The following TNFRSF10D variants were observed in gnomAD, a reference collection of about 807,000 sequenced individuals.
TNFRSF10D encodes TNF receptor superfamily member 10d.
TNFRSF10D carries 28 observed loss-of-function variants against 42.1 expected under a neutral mutation model. That is an observed-to-expected ratio of 0.66 (90% confidence interval 0.49 to 0.91). The LOEUF (loss-of-function observed/expected upper bound fraction) is 0.91, where lower values mean the gene tolerates loss of function less well. TNFRSF10D is among the 40% of genes least tolerant of loss of function. The probability of loss-of-function intolerance (pLI) is 0.00; values close to 1 mark genes in which losing one functional copy is unlikely to be tolerated. For synonymous variants in TNFRSF10D, 186 were observed against 189.4 expected (o/e 0.98, Z 0.15); for missense variants, 503 against 486.1 (o/e 1.03, Z -0.33).
rs140452877 is a variant in TNFRSF10D at position 23,148,992 on chromosome 8, C to T, written c.257-441G>A. On this transcript the variant is annotated intron_variant, in intron 2 of 8. Transcript: ENST00000312584. ...AATCACGAGGTCAGGAGATCGAGAC[C>T]ATCCTGGCTAACACAGTGAAACCCC... 4.4e-3 allele frequency among the ~76,000 whole-genome samples: 662 copies of T among 151,492 alleles called. 4 individuals carry two copies. Among genetic ancestry groups the T allele is most frequent in the African/African-American group, 0.013 (546 of 41,342 alleles).
intron 2 of TNFRSF10D, among the ~76,000 whole-genome samples, chr8:23,151,923 G>A (rs1242719393): frequency 6.6e-6 from 1 of 152,144 alleles, no homozygotes; most frequent in East Asian, 1.9e-4. Context: ...TTGCCCTGGG[G>A]GGGATCCAGG....
At chr8:23,144,838 A>T (rs1276659646) in intron 6 of TNFRSF10D, among the ~76,000 whole-genome samples, 1 of 151,832 alleles carries the variant, frequency 6.6e-6, no homozygotes, top group East Asian at 1.9e-4. Context: ...TGATGGTGTC[A>T]CCGAGGCTGC....
At chr8:23,152,575 C>T (rs144396526) in intron 2 of TNFRSF10D, among the ~76,000 whole-genome samples, 943 of 152,186 alleles carry the variant, frequency 6.2e-3, no homozygotes, top group African/African-American at 0.019. Context: ...ATTAATTGGG[C>T]AAAAGATGCT....
intron 1 of TNFRSF10D, among the ~76,000 whole-genome samples, chr8:23,156,069 G>A (rs1800276274): frequency 6.6e-6 from 1 of 152,122 alleles, no homozygotes; most frequent in African/African-American, 2.4e-5. Flanking sequence ...AAGACAACTG[G>A]AGAATCGGAA....
chr8:23,144,141 T>C (rs1018062799), intron 7 of TNFRSF10D, among the ~76,000 whole-genome samples: 1 of 152,232 alleles, frequency 6.6e-6, no homozygotes, highest in Non-Finnish European at 1.5e-5. Flanking sequence ...TGACTTCTGT[T>C]AGGAGCACAC....
chr8:23,160,829 T>G lies in TNFRSF10D; in HGVS notation c.150+2957A>C, dbSNP rs1800356798. Among the ~76,000 whole-genome samples the G allele has an allele frequency of 6.6e-5, 10 of 152,214 alleles. 1 individual carries two copies. In the South Asian group the frequency reaches 2.1e-3, roughly 32 times the overall value. On this transcript the variant is annotated intron_variant, in intron 1 of 8. Transcript: ENST00000312584. ...TGGATGGAGACCTTTCCTGCTCATCTTCAAACTCCAACCCGGGCCGGACAC... is the reference window on the plus strand; with the variant it reads ...TGGATGGAGACCTTTCCTGCTCATCGTCAAACTCCAACCCGGGCCGGACAC...
In TNFRSF10D at chr8:23,163,817, A is replaced by G. The variant is rs769336025; in HGVS notation, c.119T>C (p.Phe40Ser). 3 of 1,609,256 alleles carry G rather than the reference A, an allele frequency of 1.9e-6. No individual in the cohort carries two copies. Among genetic ancestry groups the G allele is most frequent in the Admixed American group, 3.4e-5 (2 of 59,448 alleles). Reference protein sequence around the residue: ...PWLLDPKILKFVVFIVAVLLP... With the variant: ...PWLLDPKILKSVVFIVAVLLP... ...CAGAACCGCGACGATGAAGACGACG[A>G]ACTTAAGGATCTTGGGGTCCAGGAG... is the stretch of plus-strand genomic sequence containing the variant. Residue 40 changes from phenylalanine (F) to serine (S), a missense_variant, in exon 1 of 9, where the codon TTC becomes TCC. Coordinates refer to ENST00000312584, the MANE Select transcript of TNFRSF10D (RefSeq NM_003840.5).
chr8:23,137,942 C>T lies in TNFRSF10D; in HGVS notation c.1089G>A (p.Gln363=), dbSNP rs200310088. ...GCTTTTCGGAGCCCACCAGTTGGTC[C>T]TGAATTGTTTCCTTTGCATGTCCTT... ...LEEGHAKETI[Q]DQLVGSEKLF... Residue 363 remains glutamine (Q), a synonymous_variant, in exon 9 of 9, where the codon CAG becomes CAA. Coordinates refer to ENST00000312584, the MANE Select transcript of TNFRSF10D (RefSeq NM_003840.5). The T allele has an allele frequency of 4.3e-6, 7 of 1,614,112 alleles. No homozygotes were observed. In the African/African-American group the frequency reaches 6.7e-5, roughly 15 times the overall value.
intron 2 of TNFRSF10D, among the ~76,000 whole-genome samples, chr8:23,149,477 G>A (rs933847885): frequency 1.3e-5 from 2 of 150,484 alleles, no homozygotes; most frequent in African/African-American, 2.4e-5. Context: ...GACCTCAGGT[G>A]ATCCACCCTC....
chr8:23,149,047 G>A (rs913803441), intron 2 of TNFRSF10D, among the ~76,000 whole-genome samples: 10 of 150,662 alleles, frequency 6.6e-5, no homozygotes, highest in Middle Eastern at 3.5e-3. Context: ...AAAATTAGCC[G>A]GGCGTGGTGG....
chr8:23,144,679 A>G (rs1404322478), intron 6 of TNFRSF10D, 44 bp from the exon 7 acceptor site: 3 of 1,588,792 alleles, frequency 1.9e-6, no homozygotes, highest in African/African-American at 2.7e-5. Context: ...CCCCGGGCTC[A>G]GCTTCAGGGT....
chr8:23,143,191 T>A (rs1800057744), intron 7 of TNFRSF10D, among the ~76,000 whole-genome samples: 2 of 151,250 alleles, frequency 1.3e-5, no homozygotes, highest in Non-Finnish European at 2.9e-5. Flanking sequence ...TTGGCCAGGA[T>A]GGTCTCCATC....
Position 23,137,947 on chromosome 8 carries a change from T to C in TNFRSF10D, c.1084A>G (p.Ile362Val), listed in dbSNP as rs1367335931. The stretch of plus-strand genomic sequence containing the variant: ...TCGGAGCCCACCAGTTGGTCCTGAA[T>C]TGTTTCCTTTGCATGTCCTTCTTCC... The part of the protein sequence containing the change: ...TLEEGHAKET[I>V]QDQLVGSEKL... Residue 362 changes from isoleucine to valine, a missense_variant, in exon 9 of 9, where the codon ATT becomes GTT. Ile to Val is a conservative substitution (Grantham distance 29). Transcript: ENST00000312584. The C allele has an allele frequency of 6.2e-7, 1 of 1,614,244 alleles. No individual in the cohort carries two copies. The highest frequency in any genetic ancestry group is 2.2e-5 in the East Asian group (1 of 44,886).
At chr8:23,160,638 T>C (rs1800353841) in intron 1 of TNFRSF10D, among the ~76,000 whole-genome samples, 1 of 152,222 alleles carries the variant, frequency 6.6e-6, no homozygotes, top group Admixed American at 6.5e-5. Flanking sequence ...GGATACCAGC[T>C]GCCCAACAGC....
chr8:23,152,256 G>A (rs1722937455), intron 2 of TNFRSF10D, among the ~76,000 whole-genome samples: 3 of 152,212 alleles, frequency 2.0e-5, no homozygotes, highest in Admixed American at 6.5e-5. Flanking sequence ...GAAGAGGATA[G>A]CACACTTTGC....
intron 2 of TNFRSF10D, among the ~76,000 whole-genome samples, chr8:23,150,770 T>C (rs1245846799): frequency 6.1e-3 from 924 of 150,936 alleles, no homozygotes; most frequent in African/African-American, 0.019. Context: ...ACTAAGAAAA[T>C]TCCACAGAGA....
At position 23,135,631 on chromosome 8, in the gene TNFRSF10D, G is replaced by C. The variant is rs1242607352; in HGVS notation, c.*2239C>G. Reference sequence around the variant, plus strand: ...ATATTTATTTTGGTCATAAACATATGAGTATTTCATATATAACCAGGTGTT... The same window carrying C: ...ATATTTATTTTGGTCATAAACATATCAGTATTTCATATATAACCAGGTGTT... On this transcript the variant is annotated 3_prime_UTR_variant, in exon 9 of 9. Coordinates refer to ENST00000312584, the MANE Select transcript of TNFRSF10D (RefSeq NM_003840.5). The C allele has an allele frequency of 4.5e-3, 1,074 of 236,106 alleles. No homozygotes were observed. The highest frequency in any genetic ancestry group is 0.016 in the African/African-American group (706 of 43,536). 14.6% of individuals were successfully genotyped at this position (236,106 alleles called of 1,614,324 possible). A position where few individuals can be genotyped will look rare whatever the true frequency, so the allele number is the denominator to read the frequency against.
intron 1 of TNFRSF10D, among the ~76,000 whole-genome samples, chr8:23,162,788 T>C (rs1057214241): frequency 6.6e-6 from 1 of 152,232 alleles, no homozygotes; most frequent in African/African-American, 2.4e-5. Flanking sequence ...AACCGCTTCC[T>C]GCCACTTTCA....
At chr8:23,163,702 TC>T (rs951734148) in intron 1 of TNFRSF10D, 83 bp downstream of exon 1, 25 of 1,542,226 alleles carry the variant, frequency 1.6e-5, no homozygotes, top group Non-Finnish European at 2.1e-5. Flanking sequence ...GGGCCAAGCA[TC>T]CCCACCGTGT....
Sources: gnomAD v4.1 joint callset for allele counts (sites outside exome capture counted in the v4.1 genomes callset) on GRCh38, gnomAD v4.1.1 for gene constraint, MANE v1.5 for transcripts, NCBI Gene and HGNC (gene_info 2026-07-23, HGNC 2026-07-21) for gene names.